Variants in MIS18A observed in about 807,000 individuals in gnomAD.
MIS18A encodes protein Mis18-alpha.
A neutral mutation model predicts 25.0 loss-of-function variants in MIS18A; 14 were observed. That is an observed-to-expected ratio of 0.56 (90% CI 0.37 to 0.88). MIS18A has a LOEUF of 0.88. Among genes scored for constraint, MIS18A ranks in the 40% least tolerant of loss-of-function variants. The probability of loss-of-function intolerance (pLI) is 0.00; values close to 1 mark genes in which losing one functional copy is unlikely to be tolerated. For missense variants in MIS18A, 292 were observed against 290.8 expected (o/e 1.00, Z -0.03); for synonymous variants, 134 against 118.6 (o/e 1.13, Z -0.84).
the MIS18A span, among the ~76,000 whole-genome samples, chr21:32,257,474 T>C: frequency 3.5e-4 from 53 of 152,346 alleles, 1 homozygote; most frequent in South Asian, 5.6e-3. Context: ...TATTCTAAGC[T>C]TCTTTTGTGG....
At chr21:32,277,689 T>TTGG (rs771763574) in intron 1 of MIS18A, among the ~76,000 whole-genome samples, 7 of 152,190 alleles carry the variant, frequency 4.6e-5, no homozygotes, top group Non-Finnish European at 7.3e-5. Flanking sequence ...ATTCACCATG[T>TTGG]TGGCAAGGAT....
chr21:32,189,813 C>G, the MIS18A span, among the ~76,000 whole-genome samples: 1 of 152,224 alleles, frequency 6.6e-6, no homozygotes, highest in Non-Finnish European at 1.5e-5. Flanking sequence ...TCTGCATCCA[C>G]CCTGTCACTG....
At chr21:32,159,960 T>G in the MIS18A span, among the ~76,000 whole-genome samples, 511 of 152,230 alleles carry the variant, frequency 3.4e-3, 3 homozygotes, top group African/African-American at 0.011. Flanking sequence ...GCCTGACTGT[T>G]AGTTGATTAT....
intron 2 of MIS18A, among the ~76,000 whole-genome samples, chr21:32,272,146 T>C (rs958029692): frequency 6.6e-6 from 1 of 152,204 alleles, no homozygotes; most frequent in African/African-American, 2.4e-5. Flanking sequence ...TTCACCCCTT[T>C]CATTGAACAG....
chr21:32,194,948 C>T, the MIS18A span, among the ~76,000 whole-genome samples: 3 of 152,122 alleles, frequency 2.0e-5, no homozygotes, highest in African/African-American at 4.8e-5. Context: ...TACAATGTAC[C>T]GTGTTCGGGT....
the MIS18A span, among the ~76,000 whole-genome samples, chr21:32,155,138 T>C: frequency 2.6e-5 from 4 of 152,324 alleles, no homozygotes; most frequent in Admixed American, 6.5e-5. Context: ...TGTTAGTAAA[T>C]GTTTTTCTTT....
the MIS18A span, among the ~76,000 whole-genome samples, chr21:32,164,635 A>ATATATATATTTG: frequency 6.6e-6 from 1 of 150,772 alleles, no homozygotes; most frequent in African/African-American, 2.4e-5. Flanking sequence ...TTCAAATTAT[A>ATATATATATTTG]TATATATATT....
At chr21:32,178,943 T>G in the MIS18A span, among the ~76,000 whole-genome samples, 8 of 152,168 alleles carry the variant, frequency 5.3e-5, no homozygotes, top group Non-Finnish European at 1.2e-4. Context: ...TTCAGCTGCT[T>G]CAGCTGCTTC....
the MIS18A span, among the ~76,000 whole-genome samples, chr21:32,176,724 A>G: frequency 1.3e-5 from 2 of 152,154 alleles, no homozygotes; most frequent in African/African-American, 4.8e-5. Context: ...TAAAGAAAAG[A>G]GCAAAAATTA....
At chr21:32,196,640 G>T in the MIS18A span, among the ~76,000 whole-genome samples, 1 of 152,062 alleles carries the variant, frequency 6.6e-6, no homozygotes, top group South Asian at 2.1e-4. Flanking sequence ...TTTTTGTAGA[G>T]ATGGGGTTTT....
downstream of MIS18A, among the ~76,000 whole-genome samples, chr21:32,266,144 G>A (rs530931266): frequency 6.7e-6 from 1 of 150,232 alleles, no homozygotes; most frequent in South Asian, 2.1e-4. Context: ...TCAGCACCCT[G>A]TGTTTAGCTC....
At chr21:32,271,842 C>T (rs2031720133) in intron 2 of MIS18A, among the ~76,000 whole-genome samples, 1 of 152,158 alleles carries the variant, frequency 6.6e-6, no homozygotes, top group East Asian at 1.9e-4. Flanking sequence ...ATATATCAAA[C>T]CTCATTACCA....
the MIS18A span, among the ~76,000 whole-genome samples, chr21:32,234,623 C>T: frequency 6.6e-6 from 1 of 152,156 alleles, no homozygotes; most frequent in Admixed American, 6.5e-5. Flanking sequence ...TAGCAGCATC[C>T]ATGGTGATGA....
chr21:32,274,504 C>G (rs2031774439), intron 2 of MIS18A, among the ~76,000 whole-genome samples: 1 of 152,028 alleles, frequency 6.6e-6, no homozygotes, highest in Non-Finnish European at 1.5e-5. Flanking sequence ...CCGTGCCCGA[C>G]CTTCTTTTTC....
At chr21:32,228,920 T>C in the MIS18A span, among the ~76,000 whole-genome samples, 3 of 152,234 alleles carry the variant, frequency 2.0e-5, no homozygotes, top group African/African-American at 7.2e-5. Context: ...ATTGTTAAGC[T>C]GGATTATGAA....
the MIS18A span, among the ~76,000 whole-genome samples, chr21:32,157,520 G>GA: frequency 6.6e-6 from 1 of 150,824 alleles, no homozygotes; most frequent in African/African-American, 2.4e-5. Flanking sequence ...TTATAGTAAA[G>GA]TTTTTTTTTG....
chr21:32,208,352 G>C, the MIS18A span, among the ~76,000 whole-genome samples: 1 of 152,156 alleles, frequency 6.6e-6, no homozygotes, highest in Non-Finnish European at 1.5e-5. Flanking sequence ...CCTTGGCTCT[G>C]ATCTCAGGAC....
At chr21:32,261,975 A>G in the MIS18A span, among the ~76,000 whole-genome samples, 8 of 152,364 alleles carry the variant, frequency 5.3e-5, 1 homozygote, top group Admixed American at 4.6e-4. Flanking sequence ...GATTGCTAAT[A>G]CTATATTAAC....
the MIS18A span, among the ~76,000 whole-genome samples, chr21:32,182,152 C>T: frequency 6.6e-6 from 1 of 152,198 alleles, no homozygotes; most frequent in Admixed American, 6.5e-5. Flanking sequence ...GGACTGGCAT[C>T]TTATCCATCA....
Sources: allele counts gnomAD v4.1 joint callset (sites outside exome capture counted in the v4.1 genomes callset), GRCh38; gene constraint gnomAD v4.1.1; transcripts MANE v1.5; gene names NCBI Gene and HGNC (gene_info 2026-07-23, HGNC 2026-07-21).